CAPN1: variants seen among roughly 807,000 people sequenced by gnomAD.
The protein encoded by CAPN1 is calpain 1.
Under a neutral mutation model 105.2 loss-of-function variants are expected in CAPN1, and 77 were observed. The observed-to-expected ratio is 0.73, with a 90% CI of 0.61 to 0.88. CAPN1 has a LOEUF of 0.88. CAPN1 is among the 40% of genes least tolerant of loss of function. CAPN1 has a pLI of 0.00. For missense variants in CAPN1, 833 were observed against 976.6 expected (o/e 0.85, Z 1.96); for synonymous variants, 355 against 388.8 (o/e 0.91, Z 1.02).
chr11:65,195,113 T>G (rs1182777028), intron 10 of CAPN1, among the ~76,000 whole-genome samples: 6 of 144,750 alleles, frequency 4.1e-5, no homozygotes, highest in Admixed American at 6.8e-5. Context: ...TTTTTTTTTT[T>G]TTTTTTTTTT....
At chr11:65,201,587 G>A (rs181407913) in intron 10 of CAPN1, among the ~76,000 whole-genome samples, 4 of 151,400 alleles carry the variant, frequency 2.6e-5, no homozygotes, top group Non-Finnish European at 4.4e-5. Flanking sequence ...GCGCGATCTC[G>A]GCTCACTGCA....
At position 65,207,063 on chromosome 11, in the gene CAPN1, A is replaced by T. The variant is rs1948971793; in HGVS notation, c.1605+244A>T. 2.0e-5 allele frequency among the ~76,000 whole-genome samples: 3 copies of T among 151,812 alleles called. No homozygotes were observed. In the South Asian group the frequency reaches 6.2e-4, roughly 32 times the overall value. On this transcript the variant is annotated intron_variant, in intron 14 of 21. Transcript: ENST00000279247. ...GTGGCGGGTTTGTGCTGAGCACTTC[A>T]CCTGTGTTACCTCATTTCCTCCCCA...
At chr11:65,207,983 C>A in intron 14 of CAPN1, 72 bp from the exon 15 acceptor site, 1 of 1,148,184 alleles carries the variant, frequency 8.7e-7, no homozygotes, top group Non-Finnish European at 1.3e-6. Context: ...TGACCTCAGC[C>A]CTCCCTCCAG....
At chr11:65,197,366 T>C (rs1948805480) in intron 10 of CAPN1, among the ~76,000 whole-genome samples, 1 of 152,342 alleles carries the variant, frequency 6.6e-6, no homozygotes, top group African/African-American at 2.4e-5. Flanking sequence ...TATAAGCGCC[T>C]AGTGAATTAA....
rs1565427797 is a variant in CAPN1, at chr11:65,211,806, G to C, written c.*520G>C. 1.2e-5 allele frequency: 2 copies of C among 160,126 alleles called. No individual in the cohort carries two copies. Among genetic ancestry groups the C allele is most frequent in the Admixed American group, 5.9e-5 (1 of 16,870 alleles). The allele number at this position is 160,126 out of a possible 1,614,324, so 9.9% of individuals were successfully genotyped here. ...CCCTCTGTCCTTCCCTGGCCCTGCT[G>C]CCGACCAGGAGCTGCCCAGCCTGTG... On this transcript the variant is annotated 3_prime_UTR_variant, in exon 22 of 22. Coordinates refer to ENST00000279247, the MANE Select transcript of CAPN1 (RefSeq NM_005186.4).
chr11:65,186,341 G>C lies in CAPN1; in HGVS notation c.759+3G>C, dbSNP rs370628285. 2 of 1,607,978 alleles carry C rather than the reference G, an allele frequency of 1.2e-6. No homozygotes were observed. The highest frequency in any genetic ancestry group is 1.3e-5 in the African/African-American group (1 of 74,710). On this transcript the variant is annotated splice_donor_region_variant and intron_variant, in intron 6 of 21. Coordinates refer to ENST00000279247, the MANE Select transcript of CAPN1 (RefSeq NM_005186.4). ...CCCTGCTGGGCTGCTCCATAGACGT[G>C]AGTGTGCCCGGCCCCGATGCTTTGG...
intron 1 of CAPN1, 189 bp from the exon 2 acceptor site, chr11:65,182,512 C>G (rs1026411687): frequency 3.3e-6 from 2 of 599,054 alleles, no homozygotes; most frequent in Admixed American, 3.2e-5. Flanking sequence ...TGGGAAATCC[C>G]TTTCCTGGAT....
At chr11:65,199,215 T>C (rs1011809332) in intron 10 of CAPN1, among the ~76,000 whole-genome samples, 2 of 152,234 alleles carry the variant, frequency 1.3e-5, no homozygotes, top group African/African-American at 4.8e-5. Flanking sequence ...AATGCCTTTA[T>C]AGTGTGCTTA....
chr11:65,198,662 C>G (rs1420581540), intron 10 of CAPN1, among the ~76,000 whole-genome samples: 2 of 152,154 alleles, frequency 1.3e-5, no homozygotes, highest in Non-Finnish European at 2.9e-5. Flanking sequence ...CATTCTCAGA[C>G]CTTTCATCTG....
chr11:65,206,932 T>TCCCTCCAACAGGGAAGATCC, intron 14 of CAPN1, 113 bp downstream of exon 14: 1 of 997,452 alleles, frequency 1.0e-6, no homozygotes, highest in Non-Finnish European at 1.5e-6. Context: ...GAAGATCCCC[T>TCCCTCCAACAGGGAAGATCC]CCTGGTGGAA....
chr11:65,197,999 G>A (rs1473464392), intron 10 of CAPN1, among the ~76,000 whole-genome samples: 1 of 151,302 alleles, frequency 6.6e-6, no homozygotes, highest in Non-Finnish European at 1.5e-5. Flanking sequence ...CTGACTTACT[G>A]TGTTTACTTA....
At position 65,206,392 on chromosome 11, in the gene CAPN1, G is replaced by C; in HGVS notation, c.1354-71G>C. 3.3e-6 allele frequency: 4 copies of C among 1,216,676 alleles called. No homozygotes were observed. In the South Asian group the frequency reaches 4.9e-5, roughly 15 times the overall value. 75.4% of individuals were successfully genotyped at this position (1,216,676 alleles called of 1,614,324 possible). A position where few individuals can be genotyped will look rare whatever the true frequency, so the allele number is the denominator to read the frequency against. On this transcript the variant is annotated intron_variant, in intron 12 of 21. Coordinates refer to ENST00000279247, the MANE Select transcript of CAPN1 (RefSeq NM_005186.4). ...GCCAGGACAAGGAGCCTGGAGTCTG[G>C]GTCTGGGGGTGGCCCCTGAGGGTGG... is the stretch of plus-strand genomic sequence containing the variant.
At chr11:65,198,935 A>G (rs575027886) in intron 10 of CAPN1, among the ~76,000 whole-genome samples, 2 of 152,286 alleles carry the variant, frequency 1.3e-5, no homozygotes, top group South Asian at 4.1e-4. Flanking sequence ...CCCAAGTTCA[A>G]GCGATTCTTC....
chr11:65,201,339 G>A (rs936635612), intron 10 of CAPN1, among the ~76,000 whole-genome samples: 5 of 152,044 alleles, frequency 3.3e-5, no homozygotes, highest in East Asian at 3.9e-4. Context: ...CTCCCACCTC[G>A]GTCTCCCAAA....
rs559950532 is a variant in CAPN1, at chr11:65,188,773, G to A, written c.1165+27G>A. The A allele has an allele frequency of 9.1e-6, 14 of 1,543,824 alleles. No homozygotes were observed. In the East Asian group the frequency reaches 2.4e-4, roughly 27 times the overall value. ...TGCACAGGGGCGGGCTCTGGGTCTT[G>A]CTGCTTCCTGGCTTAGGGGCTCCAG... On this transcript the variant is annotated intron_variant, in intron 10 of 21. Transcript: ENST00000279247. This position sits in a 1 kb window ranked among gnomAD's most constrained non-coding sequence, Gnocchi z 5.5.
chr11:65,187,646 GGAGGCT>G, intron 7 of CAPN1: 1 of 453,494 alleles, frequency 2.2e-6, no homozygotes, highest in Non-Finnish European at 4.1e-6. Context: ...CAACACTTTG[GGAGGCT>G]GAGGTGGGCA....
rs1175914505 is a variant in CAPN1 at position 65,183,466 on chromosome 11, T to C, written c.338-8T>C. Reference sequence around the variant, plus strand: ...AGAGCAGGCTAATGTGCATCCCTCCTGCCCCAGGGGACTGCTGGCTCTTGG... The same window carrying C: ...AGAGCAGGCTAATGTGCATCCCTCCCGCCCCAGGGGACTGCTGGCTCTTGG... On this transcript the variant is annotated splice_region_variant and splice_polypyrimidine_tract_variant and intron_variant, in intron 3 of 21. Coordinates refer to ENST00000279247, the MANE Select transcript of CAPN1 (RefSeq NM_005186.4). The C allele has an allele frequency of 3.7e-6, 6 of 1,603,504 alleles. No individual in the cohort carries two copies. Among genetic ancestry groups the C allele is most frequent in the Non-Finnish European group, 5.1e-6 (6 of 1,170,560 alleles).
At position 65,188,345 on chromosome 11, in the gene CAPN1, A is replaced by G; in HGVS notation, c.930-69A>G. 1 of 1,395,904 alleles carries G rather than the reference A, an allele frequency of 7.2e-7. No individual in the cohort carries two copies. The highest frequency in any genetic ancestry group is 1.2e-5 in the South Asian group (1 of 81,126). The allele number at this position is 1,395,904 out of a possible 1,614,324, so 86.5% of individuals were successfully genotyped here. A position where few individuals can be genotyped will look rare whatever the true frequency, so the allele number is the denominator to read the frequency against. The stretch of plus-strand genomic sequence containing the variant: ...GCCGGGGGAAGACAGGCCAGGGTAG[A>G]CAGGCCCCAGGGACAGAGGCCAGGC... On this transcript the variant is annotated intron_variant, in intron 8 of 21. Transcript: ENST00000279247. The surrounding 1 kb of genome is among the most constrained non-coding windows in gnomAD (Gnocchi z 5.5).
intron 10 of CAPN1, among the ~76,000 whole-genome samples, chr11:65,191,537 C>A (rs888832743): frequency 1.3e-5 from 2 of 152,112 alleles, no homozygotes; most frequent in African/African-American, 4.8e-5. Context: ...CGGCACCACA[C>A]CTGGCTAATT....
Sources: allele counts gnomAD v4.1 joint callset (sites outside exome capture counted in the v4.1 genomes callset), GRCh38; gene constraint gnomAD v4.1.1; non-coding constraint Gnocchi (gnomAD v3.1); transcripts MANE v1.5; gene names NCBI Gene and HGNC (gene_info 2026-07-23, HGNC 2026-07-21).